IPO7: variants seen among roughly 807,000 people sequenced by gnomAD.
The protein encoded by IPO7 is importin 7.
In IPO7, 13 loss-of-function variants were observed where a neutral mutation model predicts 136.4. The ratio of observed to expected loss-of-function variants is 0.10; its 90% CI spans 0.06 to 0.15. IPO7 has a LOEUF of 0.15. Ranked by LOEUF, IPO7 falls within the 10% of genes least tolerant of loss-of-function variation. The pLI is 1.00. For synonymous variants in IPO7, 403 were observed against 404.4 expected (o/e 1.00, Z 0.04); for missense variants, 857 against 1,240.6 (o/e 0.69, Z 4.65).
chr11:9,394,817 G>C (rs955647212), intron 1 of IPO7, among the ~76,000 whole-genome samples: 1 of 152,164 alleles, frequency 6.6e-6, no homozygotes, highest in African/African-American at 2.4e-5. Flanking sequence ...AGTTGGGTTT[G>C]TTGAAGAATT....
intron 1 of IPO7, among the ~76,000 whole-genome samples, chr11:9,402,210 G>A (rs1328077062): frequency 1.3e-5 from 2 of 151,714 alleles, no homozygotes; most frequent in Non-Finnish European, 2.9e-5. Context: ...GACCAGCCTG[G>A]CCAATATAGT....
intron 24 of IPO7, among the ~76,000 whole-genome samples, 195 bp from the exon 25 acceptor site, chr11:9,444,902 C>T (rs943231334): frequency 6.6e-6 from 1 of 150,626 alleles, no homozygotes; most frequent in Non-Finnish European, 1.5e-5. Flanking sequence ...AAGAAGTCTA[C>T]AGCATACAGT....
chr11:9,397,332 T>TAAAAAAAAAAAAAAAA lies in IPO7; in HGVS notation c.85-5958_85-5957insAAAAAAAAAAAAAAAA, dbSNP rs757736784. 2.0e-3 allele frequency among the ~76,000 whole-genome samples: 24 copies of TAAAAAAAAAAAAAAAA among 12,134 alleles called. 9 individuals are homozygous for TAAAAAAAAAAAAAAAA. The highest frequency in any genetic ancestry group is 7.6e-3 in the East Asian group (1 of 132). 8.0% of individuals were successfully genotyped at this position (12,134 alleles called of 152,430 possible). A position where few individuals can be genotyped will look rare whatever the true frequency, so the allele number is the denominator to read the frequency against. ...AAACCCCGTCTTTACTAAAAATAAT[T>TAAAAAAAAAAAAAAAA]TAAAAAAAAATATATATATATATAT... On this transcript the variant is annotated intron_variant, in intron 1 of 24. Coordinates refer to ENST00000379719, the MANE Select transcript of IPO7 (RefSeq NM_006391.3).
chr11:9,405,332 G>T (rs1047870776), intron 2 of IPO7, among the ~76,000 whole-genome samples: 1 of 152,098 alleles, frequency 6.6e-6, no homozygotes, highest in African/African-American at 2.4e-5. Flanking sequence ...CCGCCACCAC[G>T]CCCGGCTAAT....
chr11:9,403,424 A>G (rs1854829985), intron 2 of IPO7, 53 bp downstream of exon 2: 4 of 1,363,502 alleles, frequency 2.9e-6, no homozygotes, highest in Non-Finnish European at 3.1e-6. Flanking sequence ...TAAAAGGTTC[A>G]TAATCGAATA....
rs1273070347 is a variant in IPO7, at chr11:9,410,102, A to G, written c.479+16A>G. The G allele has an allele frequency of 3.2e-6, 5 of 1,558,954 alleles. No individual in the cohort carries two copies. In the African/African-American group the frequency reaches 6.9e-5, roughly 22 times the overall value. ...AAAATTATGAGTAAGTGTTTCTTTC[A>G]ACTCCTATAGAGCTTTGAGAAGTAG... On this transcript the variant is annotated intron_variant, in intron 4 of 24. Coordinates refer to ENST00000379719, the MANE Select transcript of IPO7 (RefSeq NM_006391.3).
At chr11:9,430,041 A>G (rs755835115) in intron 15 of IPO7, among the ~76,000 whole-genome samples, 27 of 152,092 alleles carry the variant, frequency 1.8e-4, no homozygotes, top group Non-Finnish European at 2.4e-4. Flanking sequence ...CAGACAGGCA[A>G]TGGTTTCTCA....
At chr11:9,405,024 C>T (rs1049908235) in intron 2 of IPO7, among the ~76,000 whole-genome samples, 9 of 152,054 alleles carry the variant, frequency 5.9e-5, no homozygotes, top group African/African-American at 2.2e-4. Context: ...AGTGTAGGTA[C>T]TCAGGAAATA....
chr11:9,424,224 A>G (rs1039077599), intron 10 of IPO7, among the ~76,000 whole-genome samples: 6 of 152,228 alleles, frequency 3.9e-5, no homozygotes, highest in African/African-American at 9.6e-5. Flanking sequence ...AGCTGGTGTC[A>G]CATGAAGTCC....
At position 9,425,247 on chromosome 11, in the gene IPO7, T is replaced by C. The variant is rs539103873; in HGVS notation, c.1320T>C (p.Ala440=). 10 of 1,586,166 alleles carry C rather than the reference T, an allele frequency of 6.3e-6. No homozygotes were observed. Among genetic ancestry groups the C allele is most frequent in the East Asian group, 2.2e-5 (1 of 44,760 alleles). Residue 440 remains alanine, a synonymous_variant, in exon 12 of 25, where the codon GCT becomes GCC. Coordinates refer to ENST00000379719, the MANE Select transcript of IPO7 (RefSeq NM_006391.3). ...DGALHMIGSL[A]EILLKKKIYK... ...CCCTGCATATGATTGGCTCTTTAGC[T>C]GAAATACTTCTGAAGGTATTCTTTA...
chr11:9,390,154 G>T (rs963562413), intron 1 of IPO7, among the ~76,000 whole-genome samples: 5 of 152,220 alleles, frequency 3.3e-5, no homozygotes, highest in African/African-American at 1.2e-4. Flanking sequence ...GCCTCCCAAA[G>T]TGCTGGGATT....
At chr11:9,413,366 TATAC>T (rs902921189) in intron 4 of IPO7, among the ~76,000 whole-genome samples, 2 of 152,204 alleles carry the variant, frequency 1.3e-5, no homozygotes, top group Admixed American at 6.5e-5. Flanking sequence ...TTTTCTGCTT[TATAC>T]ATACCATTTC....
intron 16 of IPO7, 125 bp downstream of exon 16, chr11:9,431,128 G>A (rs1855287596): frequency 1.6e-6 from 1 of 622,656 alleles, no homozygotes; most frequent in East Asian, 2.8e-5. Flanking sequence ...GATAAGATTG[G>A]TACATTATAT....
In IPO7 at chr11:9,434,227, C is replaced by T. The variant is rs760098591; in HGVS notation, c.2074+381C>T. Among the ~76,000 whole-genome samples the T allele has an allele frequency of 3.9e-5, 6 of 152,060 alleles. No individual in the cohort carries two copies. The East Asian group carries it at 7.7e-4, about 20-fold the overall frequency. On this transcript the variant is annotated intron_variant, in intron 18 of 24. Transcript: ENST00000379719. ...CATGAGCCACTGCGCCTGGCCTGAACGTACACTTTTGAATGTTCAGACTGC... is the reference window on the plus strand; with the variant it reads ...CATGAGCCACTGCGCCTGGCCTGAATGTACACTTTTGAATGTTCAGACTGC...
chr11:9,446,394 C>T lies in IPO7; in HGVS notation c.*1200C>T, dbSNP rs908452002. 6.6e-6 allele frequency: 1 copy of T among 152,122 alleles called. No individual in the cohort carries two copies. Among genetic ancestry groups the T allele is most frequent in the African/African-American group, 2.4e-5 (1 of 41,416 alleles). The allele number at this position is 152,122 out of a possible 1,614,324, so 9.4% of individuals were successfully genotyped here. On this transcript the variant is annotated 3_prime_UTR_variant, in exon 25 of 25. Coordinates refer to ENST00000379719, the MANE Select transcript of IPO7 (RefSeq NM_006391.3). Reference sequence around the variant, plus strand: ...CATCTCTTCTACCGCTCTTGTTGATCGTGGTATCTGATCTTGACTAGATAG... The same window carrying T: ...CATCTCTTCTACCGCTCTTGTTGATTGTGGTATCTGATCTTGACTAGATAG...
intron 22 of IPO7, 74 bp from the exon 23 acceptor site, chr11:9,440,377 GTGAT>G: frequency 8.8e-7 from 1 of 1,135,994 alleles, no homozygotes; most frequent in Non-Finnish European, 1.3e-6. Flanking sequence ...TTTACTGACA[GTGAT>G]TGAGATGATT....
chr11:9,427,324 G>A (rs918443268), intron 12 of IPO7, among the ~76,000 whole-genome samples: 1 of 151,990 alleles, frequency 6.6e-6, no homozygotes, highest in Admixed American at 6.6e-5. Context: ...GCAGTGGCGT[G>A]ATCTCTGCTT....
intron 4 of IPO7, among the ~76,000 whole-genome samples, chr11:9,410,985 G>C (rs1370872853): frequency 6.6e-6 from 1 of 152,156 alleles, no homozygotes. Flanking sequence ...CTCTGAGCAG[G>C]AGAGAAATAT....
chr11:9,433,525 T>C, intron 16 of IPO7, 45 bp from the exon 17 acceptor site: 1 of 1,341,512 alleles, frequency 7.5e-7, no homozygotes, highest in South Asian at 1.2e-5. Context: ...TACTAAGTCA[T>C]TTAGTAGGCT....
Sources: allele counts gnomAD v4.1 joint callset (sites outside exome capture counted in the v4.1 genomes callset), GRCh38; gene constraint gnomAD v4.1.1; transcripts MANE v1.5; gene names NCBI Gene and HGNC (gene_info 2026-07-23, HGNC 2026-07-21).